Variants in NTN1 observed in about 807,000 individuals in gnomAD.
The protein encoded by NTN1 is netrin 1.
A neutral mutation model predicts 54.2 loss-of-function variants in NTN1; 11 were observed. That is an observed-to-expected ratio of 0.20 (90% CI 0.13 to 0.34). The LOEUF (loss-of-function observed/expected upper bound fraction) is 0.34. NTN1 is among the 10% of genes least tolerant of loss of function. NTN1 has a pLI of 1.00. For synonymous variants in NTN1, 371 were observed against 382.0 expected (o/e 0.97, Z 0.33); for missense variants, 740 against 893.1 (o/e 0.83, Z 2.18).
the NTN1 span, among the ~76,000 whole-genome samples, chr17:9,010,013 C>T: frequency 6.6e-6 from 1 of 152,210 alleles, no homozygotes. Flanking sequence ...GCTGGGCTCT[C>T]ATACAGTAAA....
At chr17:9,191,865 TAAAAAAAAAAA>T (rs60675960) in intron 5 of NTN1, among the ~76,000 whole-genome samples, 1 of 89,186 alleles carries the variant, frequency 1.1e-5, no homozygotes, top group Non-Finnish European at 2.0e-5. Context: ...TTATCGCTAC[TAAAAAAAAAAA>T]AAAAAAAAAA....
intron 2 of NTN1, among the ~76,000 whole-genome samples, chr17:9,158,661 G>T (rs1307229032): frequency 6.6e-6 from 1 of 152,182 alleles, no homozygotes. Flanking sequence ...GTGGTCCTGG[G>T]CTGGTTGGTC....
intron 5 of NTN1, among the ~76,000 whole-genome samples, chr17:9,217,055 A>C (rs1459801495): frequency 6.6e-6 from 1 of 151,976 alleles, no homozygotes; most frequent in African/African-American, 2.4e-5. Context: ...CAAAAAAAAA[A>C]AAAAGAAATA....
intron 2 of NTN1, among the ~76,000 whole-genome samples, chr17:9,106,818 A>T (rs1449476910): frequency 6.6e-6 from 1 of 151,602 alleles, no homozygotes; most frequent in African/African-American, 2.4e-5. Context: ...CTGGGCCCCA[A>T]AATGGCATTT....
intron 2 of NTN1, among the ~76,000 whole-genome samples, chr17:9,059,179 A>C (rs2091988613): frequency 6.6e-6 from 1 of 152,164 alleles, no homozygotes; most frequent in Admixed American, 6.5e-5. Flanking sequence ...ACGGTGACTG[A>C]GGTGTGGTTC....
intron 5 of NTN1, among the ~76,000 whole-genome samples, chr17:9,190,924 GA>G (rs1904437090): frequency 6.6e-6 from 1 of 152,080 alleles, no homozygotes; most frequent in South Asian, 2.1e-4. Flanking sequence ...TTGTGACTGT[GA>G]GTCAGTGCAG....
At chr17:9,108,281 A>C (rs541592427) in intron 2 of NTN1, among the ~76,000 whole-genome samples, 18 of 152,180 alleles carry the variant, frequency 1.2e-4, no homozygotes, top group Non-Finnish European at 2.4e-4. Flanking sequence ...TTACAGAAGC[A>C]GGCGGTGGGG....
chr17:9,018,038 G>A (rs976381421), upstream of NTN1, among the ~76,000 whole-genome samples: 5 of 152,284 alleles, frequency 3.3e-5, no homozygotes, highest in South Asian at 4.1e-4. Context: ...GCTGTGTAGC[G>A]TAGGGTTTGG....
intron 3 of NTN1, among the ~76,000 whole-genome samples, chr17:9,166,202 CACCA>C (rs1378649539): frequency 7.5e-6 from 1 of 133,244 alleles, no homozygotes; most frequent in African/African-American, 2.7e-5. Flanking sequence ...CCACCACCAC[CACCA>C]CCAGCACCTC....
intron 3 of NTN1, among the ~76,000 whole-genome samples, chr17:9,178,713 C>T (rs2092408839): frequency 6.6e-6 from 1 of 152,246 alleles, no homozygotes; most frequent in African/African-American, 2.4e-5. Context: ...AGACGACTCC[C>T]CACTTCCAGC....
At position 9,081,929 on chromosome 17, in the gene NTN1, G is replaced by A. The variant is rs76035393; in HGVS notation, c.1018+58538G>A. Among the ~76,000 whole-genome samples the A allele has an allele frequency of 9.9e-3, 1,508 of 152,306 alleles. 15 individuals are homozygous for A. Among genetic ancestry groups the A allele is most frequent in the African/African-American group, 0.023 (969 of 41,558 alleles). ...GCTGCAGGGCCAAGACGTTTTCTCC[G>A]AGTTTGGGTCTGCTGGGTGGGTTCT... On this transcript the variant is annotated intron_variant, in intron 2 of 6. Coordinates refer to ENST00000173229, the MANE Select transcript of NTN1 (RefSeq NM_004822.3).
chr17:9,177,097 C>G (rs938226514), intron 3 of NTN1: 1 of 152,424 alleles, frequency 6.6e-6, no homozygotes. Context: ...CAAGTCAGCC[C>G]GCTGCCTCCA....
chr17:9,105,828 G>A (rs1325374478), intron 2 of NTN1, among the ~76,000 whole-genome samples: 1 of 151,998 alleles, frequency 6.6e-6, no homozygotes, highest in African/African-American at 2.4e-5. Context: ...AGCTGGATAA[G>A]TAGGCAGCCT....
At chr17:9,162,734 G>A in intron 2 of NTN1, 79 bp from the exon 3 acceptor site, 2 of 1,346,004 alleles carry the variant, frequency 1.5e-6, no homozygotes, top group South Asian at 1.3e-5. Context: ...GTTGAGGGGT[G>A]GGGTTTCTTT....
intron 2 of NTN1, among the ~76,000 whole-genome samples, chr17:9,083,792 G>A (rs1055326092): frequency 3.3e-5 from 5 of 152,156 alleles, no homozygotes; most frequent in East Asian, 1.9e-4. Flanking sequence ...TTCTACCTCC[G>A]GACCTTCAGT....
chr17:9,219,510 G>C lies in NTN1; in HGVS notation c.1412-1658G>C, dbSNP rs540641980. Reference sequence around the variant, plus strand: ...AAGAGTCTGGCACAGGAAGCGGTGGGAGGCTACCACACCCATGGCCCCCAA... The same window carrying C: ...AAGAGTCTGGCACAGGAAGCGGTGGCAGGCTACCACACCCATGGCCCCCAA... On this transcript the variant is annotated intron_variant, in intron 5 of 6. Transcript: ENST00000173229. This position sits in a 1 kb window ranked among gnomAD's most constrained non-coding sequence, Gnocchi z 4.5. 7.2e-5 allele frequency among the ~76,000 whole-genome samples: 11 copies of C among 152,254 alleles called. No homozygotes were observed. Among genetic ancestry groups the C allele is most frequent in the Non-Finnish European group, 1.3e-4 (9 of 68,008 alleles).
intron 2 of NTN1, among the ~76,000 whole-genome samples, chr17:9,033,930 AAAAAG>A (rs1567695201): frequency 1.3e-5 from 2 of 151,686 alleles, no homozygotes; most frequent in East Asian, 3.9e-4. Flanking sequence ...AAAAAAAAAA[AAAAAG>A]AAAAAGAAAA....
At chr17:9,129,640 G>C (rs983854917) in intron 2 of NTN1, among the ~76,000 whole-genome samples, 6 of 152,180 alleles carry the variant, frequency 3.9e-5, no homozygotes, top group Non-Finnish European at 7.3e-5. Context: ...CTGAATCTCC[G>C]TTTGCTTCTC....
At chr17:9,048,535 A>G (rs2091948533) in intron 2 of NTN1, among the ~76,000 whole-genome samples, 1 of 152,204 alleles carries the variant, frequency 6.6e-6, no homozygotes, top group South Asian at 2.1e-4. Context: ...TAGCCCCTAC[A>G]TAATCAGCCT....
Sources: gnomAD v4.1 joint callset for allele counts (sites outside exome capture counted in the v4.1 genomes callset) on GRCh38, gnomAD v4.1.1 for gene constraint, Gnocchi (gnomAD v3.1) non-coding constraint, MANE v1.5 for transcripts, NCBI Gene and HGNC (gene_info 2026-07-23, HGNC 2026-07-21) for gene names.